Variants in AAK1 observed in about 807,000 individuals in gnomAD.
AAK1 encodes AP2-associated protein kinase 1.
A neutral mutation model predicts 116.0 loss-of-function variants in AAK1; 37 were observed. The observed-to-expected ratio is 0.32, with a 90% confidence interval of 0.25 to 0.42. The LOEUF is 0.42. AAK1 is among the 10% of genes least tolerant of loss of function. The pLI is 1.00. For synonymous variants in AAK1, 458 were observed against 439.9 expected (o/e 1.04, Z -0.51); for missense variants, 919 against 1,170.6 (o/e 0.79, Z 3.14).
chr2:69,537,242 TA>T (rs1181385404), intron 5 of AAK1, among the ~76,000 whole-genome samples: 7 of 152,276 alleles, frequency 4.6e-5, no homozygotes, highest in African/African-American at 1.7e-4. Context: ...GGAAAATGAT[TA>T]AAGTGTTAAA....
At chr2:69,523,599 C>T (rs764005010) in intron 10 of AAK1, among the ~76,000 whole-genome samples, 2 of 152,166 alleles carry the variant, frequency 1.3e-5, no homozygotes, top group African/African-American at 4.8e-5. Context: ...ATATCTCCTG[C>T]GCTACCTCTA....
intron 2 of AAK1, among the ~76,000 whole-genome samples, chr2:69,567,355 G>C (rs1205522502): frequency 6.6e-6 from 1 of 152,040 alleles, no homozygotes; most frequent in Non-Finnish European, 1.5e-5. Flanking sequence ...TTCCCTCCAG[G>C]ACATACCATG....
chr2:69,500,260 AT>A (rs1431909792), intron 16 of AAK1: 1 of 152,188 alleles, frequency 6.6e-6, no homozygotes, highest in African/African-American at 2.4e-5. Flanking sequence ...ATTTTCTTTC[AT>A]TTGTAAAGAA....
chr2:69,472,371 T>C lies in AAK1; in HGVS notation c.*3498A>G, dbSNP rs1674708961. ...AGTGATACTAATTAAATAATATAGC[T>C]GATTTTCTTATACCTTATTACCTTC... is the stretch of plus-strand genomic sequence containing the variant. On this transcript the variant is annotated 3_prime_UTR_variant, in exon 22 of 22. Coordinates refer to ENST00000409085, the MANE Select transcript of AAK1 (RefSeq NM_014911.5). 2.2e-5 allele frequency: 5 copies of C among 226,526 alleles called. No homozygotes were observed. In the Admixed American group the frequency reaches 3.3e-4, roughly 15 times the overall value. 14.0% of individuals were successfully genotyped at this position (226,526 alleles called of 1,614,324 possible).
chr2:69,608,019 G>A (rs1198683959), intron 2 of AAK1, among the ~76,000 whole-genome samples: 1 of 152,186 alleles, frequency 6.6e-6, no homozygotes, highest in Non-Finnish European at 1.5e-5. Flanking sequence ...AAACCAGGAA[G>A]GATGCCATCC....
At chr2:69,501,637 T>C (rs1200095050) in intron 16 of AAK1, among the ~76,000 whole-genome samples, 1 of 152,206 alleles carries the variant, frequency 6.6e-6, no homozygotes, top group Non-Finnish European at 1.5e-5. Context: ...TTTTAAAATA[T>C]GTTACTATGT....
chr2:69,522,674 C>G (rs76225122), intron 10 of AAK1, among the ~76,000 whole-genome samples: 1 of 151,886 alleles, frequency 6.6e-6, no homozygotes, highest in Non-Finnish European at 1.5e-5. Flanking sequence ...TGTGGTGGCA[C>G]GCGCCTGTAG....
At chr2:69,528,335 G>C (rs557817566) in intron 8 of AAK1, among the ~76,000 whole-genome samples, 1 of 152,294 alleles carries the variant, frequency 6.6e-6, no homozygotes, top group South Asian at 2.1e-4. Flanking sequence ...GGACATGAGA[G>C]GTGGTGTTTT....
chr2:69,489,381 G>A (rs943549465), intron 17 of AAK1, among the ~76,000 whole-genome samples: 2 of 150,006 alleles, frequency 1.3e-5, no homozygotes, highest in African/African-American at 4.9e-5. Context: ...AAGCCAGGAG[G>A]CAGAGGTTGC....
chr2:69,590,557 T>C (rs1298357643), intron 2 of AAK1, among the ~76,000 whole-genome samples: 1 of 152,260 alleles, frequency 6.6e-6, no homozygotes, highest in East Asian at 1.9e-4. Flanking sequence ...GCCTACTTAA[T>C]ATAGCAGGCT....
At chr2:69,517,954 C>G (rs561929431) in intron 12 of AAK1, among the ~76,000 whole-genome samples, 2 of 151,990 alleles carry the variant, frequency 1.3e-5, no homozygotes, top group Non-Finnish European at 2.9e-5. Flanking sequence ...AACGAGACCC[C>G]CATTTCTACC....
Position 69,514,725 on chromosome 2 carries a change from G to C in AAK1, c.1522C>G (p.Gln508Glu). ...GGGAACTGAGCAATTGCTGGTTTCT[G>C]GGTTGCTGGATGTACTGCCTGAAAC... ...QQFQAVHPAT[Q>E]KPAIAQFPVV... Residue 508 changes from glutamine (Q) to glutamate (E), a missense_variant, in exon 13 of 22, where the codon CAG (glutamine) becomes GAG (glutamate). By Grantham distance (29) the Gln-to-Glu change is conservative. Transcript: ENST00000409085. 6.2e-7 allele frequency: 1 copy of C among 1,603,058 alleles called. No homozygotes were observed. The highest frequency in any genetic ancestry group is 8.5e-7 in the Non-Finnish European group (1 of 1,172,822).
rs575685053 is a variant in AAK1, at chr2:69,572,973, C to A, written c.164-15995G>T. The stretch of plus-strand genomic sequence containing the variant: ...TAAGCTCCAGGGATGGCCGACTCAG[C>A]CCTCTTGGACAAAGCTGAGATCAGA... On this transcript the variant is annotated intron_variant, in intron 2 of 21. Transcript: ENST00000409085. Among the ~76,000 whole-genome samples, 4 of 152,286 alleles carry A rather than the reference C, an allele frequency of 2.6e-5. No individual in the cohort carries two copies. The South Asian group carries it at 8.3e-4, about 32-fold the overall frequency.
Position 69,461,470 on chromosome 2 carries a change from C to A in AAK1, c.*14399G>T. On this transcript the variant is annotated 3_prime_UTR_variant, in exon 22 of 22. Coordinates refer to ENST00000409085, the MANE Select transcript of AAK1 (RefSeq NM_014911.5). ...AACTGTTACTAATAATTAATGTAAT[C>A]CACAAGTCAAAGTTTTTTCATGCAT... The A allele has an allele frequency of 4.1e-6, 1 of 246,536 alleles. No individual in the cohort carries two copies. Among genetic ancestry groups the A allele is most frequent in the Non-Finnish European group, 8.1e-6 (1 of 123,412 alleles). 15.3% of individuals were successfully genotyped at this position (246,536 alleles called of 1,614,324 possible). A position where few individuals can be genotyped will look rare whatever the true frequency, so the allele number is the denominator to read the frequency against.
In AAK1 at chr2:69,572,643, A is replaced by AG. The variant is rs1436879882; in HGVS notation, c.164-15666dup. ...TTTAAAAAAAAAAAAAAAAAAAAAAAGCATACAAATATTCTTTATCTTGAT... is the reference window on the plus strand; with the variant it reads ...TTTAAAAAAAAAAAAAAAAAAAAAAAGGCATACAAATATTCTTTATCTTGAT... On this transcript the variant is annotated intron_variant, in intron 2 of 21. Coordinates refer to ENST00000409085, the MANE Select transcript of AAK1 (RefSeq NM_014911.5). Among the ~76,000 whole-genome samples the AG allele has an allele frequency of 3.4e-5, 5 of 145,944 alleles. No homozygotes were observed. The East Asian group carries it at 8.5e-4, about 25-fold the overall frequency.
rs554808729 is a variant in AAK1, at chr2:69,550,585, G to A, written c.283-6041C>T. Among the ~76,000 whole-genome samples, 635 of 151,650 alleles carry A rather than the reference G, an allele frequency of 4.2e-3. 4 individuals are homozygous for A. Among genetic ancestry groups the A allele is most frequent in the Non-Finnish European group, 6.8e-3 (461 of 67,888 alleles). ...TGGGAGTATAGACGTGAGCCACTGCGTGCCCGGCCTCTTTTTTTTTTCTAT... is the reference window on the plus strand; with the variant it reads ...TGGGAGTATAGACGTGAGCCACTGCATGCCCGGCCTCTTTTTTTTTTCTAT... On this transcript the variant is annotated intron_variant, in intron 3 of 21. Transcript: ENST00000409085.
intron 2 of AAK1, among the ~76,000 whole-genome samples, chr2:69,639,234 C>T (rs1410419189): frequency 6.6e-6 from 1 of 152,168 alleles, no homozygotes; most frequent in African/African-American, 2.4e-5. Flanking sequence ...TTGTTTAAAG[C>T]TTAGATATAA....
At chr2:69,514,860 G>A (rs946476128) in intron 12 of AAK1, 111 bp from the exon 13 acceptor site, 4 of 1,279,984 alleles carry the variant, frequency 3.1e-6, no homozygotes, top group Non-Finnish European at 3.1e-6. Context: ...GCAAGGGCAA[G>A]TAGAAAAGTC....
At chr2:69,549,961 T>G (rs1443135909) in intron 3 of AAK1, among the ~76,000 whole-genome samples, 1 of 152,200 alleles carries the variant, frequency 6.6e-6, no homozygotes, top group East Asian at 1.9e-4. Context: ...TTTAAACGAG[T>G]TATTTGTTAA....
Sources: allele counts gnomAD v4.1 joint callset (sites outside exome capture counted in the v4.1 genomes callset), GRCh38; gene constraint gnomAD v4.1.1; transcripts MANE v1.5; gene names NCBI Gene and HGNC (gene_info 2026-07-23, HGNC 2026-07-21).